The following MARCHF1 variants were observed in gnomAD, a reference collection of about 807,000 sequenced individuals.
MARCHF1 encodes membrane associated ring-CH-type finger 1, also known as E3 ubiquitin-protein ligase MARCHF1.
In MARCHF1, 40 loss-of-function variants were observed where a neutral mutation model predicts 54.2. The ratio of observed to expected loss-of-function variants is 0.74; its 90% confidence interval spans 0.57 to 0.96. The LOEUF is 0.96. Among genes scored for constraint, MARCHF1 ranks in the 40% least tolerant of loss-of-function variants. MARCHF1 has a pLI of 0.00. For missense variants in MARCHF1, 586 were observed against 656.5 expected (o/e 0.89, Z 1.17); for synonymous variants, 236 against 236.3 (o/e 1.00, Z 0.01).
At chr4:164,170,168 T>A (rs2110971910) in intron 1 of MARCHF1, among the ~76,000 whole-genome samples, 2 of 152,270 alleles carry the variant, frequency 1.3e-5, no homozygotes, top group South Asian at 4.1e-4. Flanking sequence ...AATTAAAATT[T>A]AAATTTTCCA....
At chr4:163,524,421 T>C (rs1380294293), downstream of MARCHF1, 1 of 152,240 alleles carries the variant, frequency 6.6e-6, no homozygotes, top group Non-Finnish European at 1.5e-5. Flanking sequence ...TGCTGTTATA[T>C]GCTTATTTTT....
chr4:164,194,193 G>C (rs1249044753), intron 1 of MARCHF1, among the ~76,000 whole-genome samples: 1 of 152,084 alleles, frequency 6.6e-6, no homozygotes, highest in African/African-American at 2.4e-5. Flanking sequence ...ATTTTTTTCT[G>C]TGAAAAGAGA....
At chr4:163,624,888 C>T (rs1741817029) in intron 5 of MARCHF1, among the ~76,000 whole-genome samples, 1 of 152,180 alleles carries the variant, frequency 6.6e-6, no homozygotes, top group Non-Finnish European at 1.5e-5. Context: ...TTTATCTGTA[C>T]TCAAGATCTC....
intron 3 of MARCHF1, among the ~76,000 whole-genome samples, chr4:163,885,814 G>A (rs1359351728): frequency 6.6e-6 from 1 of 151,534 alleles, no homozygotes; most frequent in East Asian, 1.9e-4. Context: ...GCTCACATTT[G>A]TAATCCCAGC....
chr4:163,785,385 A>T (rs1220372917), intron 4 of MARCHF1, among the ~76,000 whole-genome samples: 1 of 152,084 alleles, frequency 6.6e-6, no homozygotes, highest in African/African-American at 2.4e-5. Flanking sequence ...GTCACAACCT[A>T]AAGAAGCTGG....
At chr4:163,857,184 T>C (rs1421191671) in intron 3 of MARCHF1, among the ~76,000 whole-genome samples, 1 of 150,814 alleles carries the variant, frequency 6.6e-6, no homozygotes, top group Non-Finnish European at 1.5e-5. Flanking sequence ...CCAATAACAA[T>C]ATGTTCTTTT....
intron 3 of MARCHF1, among the ~76,000 whole-genome samples, chr4:163,952,790 T>C (rs1752158990): frequency 6.6e-6 from 1 of 152,164 alleles, no homozygotes. Context: ...TCAAAAGGCT[T>C]ACATGACAAT....
At chr4:164,123,540 A>G (rs1756115633) in intron 1 of MARCHF1, among the ~76,000 whole-genome samples, 1 of 152,162 alleles carries the variant, frequency 6.6e-6, no homozygotes. Context: ...ACATTACCTG[A>G]TTTGAAATTG....
intron 3 of MARCHF1, among the ~76,000 whole-genome samples, chr4:163,959,327 CAACAAAAAAAAAA>C (rs1188095987): frequency 2.3e-5 from 3 of 127,962 alleles, no homozygotes; most frequent in Admixed American, 7.5e-5. Flanking sequence ...ACAACAACAA[CAACAAAAAAAAAA>C]AACAACAAAA....
intron 7 of MARCHF1, among the ~76,000 whole-genome samples, chr4:163,594,928 A>C (rs1001499987): frequency 1.3e-5 from 2 of 152,192 alleles, no homozygotes; most frequent in Admixed American, 6.5e-5. Flanking sequence ...ATACCATATG[A>C]GCGAGCAATC....
chr4:164,185,889 T>G (rs906286331), intron 1 of MARCHF1, among the ~76,000 whole-genome samples: 3 of 151,890 alleles, frequency 2.0e-5, no homozygotes, highest in African/African-American at 7.3e-5. Flanking sequence ...ATAAGACAAA[T>G]GCCAATTTCT....
chr4:163,701,384 T>G (rs1744805438), intron 4 of MARCHF1, among the ~76,000 whole-genome samples: 1 of 152,172 alleles, frequency 6.6e-6, no homozygotes, highest in Non-Finnish European at 1.5e-5. Context: ...TTAAGATGCT[T>G]CTGACTGTAT....
intron 1 of MARCHF1, among the ~76,000 whole-genome samples, chr4:164,159,492 A>T (rs1730171870): frequency 6.6e-6 from 1 of 152,160 alleles, no homozygotes; most frequent in African/African-American, 2.4e-5. Flanking sequence ...GAACCAAAAA[A>T]ATGAATGAAT....
At chr4:163,630,381 G>C (rs1340910397) in intron 5 of MARCHF1, among the ~76,000 whole-genome samples, 2 of 152,274 alleles carry the variant, frequency 1.3e-5, no homozygotes, top group African/African-American at 4.8e-5. Flanking sequence ...AAACAATCCA[G>C]AGTGACATGA....
chr4:164,193,378 G>A lies in MARCHF1; in HGVS notation c.-322-81716C>T, dbSNP rs528890703. Among the ~76,000 whole-genome samples the A allele has an allele frequency of 1.1e-4, 16 of 151,982 alleles. No individual in the cohort carries two copies. In the South Asian group the frequency reaches 2.5e-3, roughly 24 times the overall value. On this transcript the variant is annotated intron_variant, in intron 1 of 9. Transcript: ENST00000514618. ...TGTAACTTCCCAGTTCTCAGGAGCC[G>A]AGAAGTTGATTTGCGAGCTATGCTC... is the stretch of plus-strand genomic sequence containing the variant.
chr4:164,163,165 T>A lies in MARCHF1; in HGVS notation c.-322-51503A>T, dbSNP rs1036087. Among the ~76,000 whole-genome samples, 61 of 151,876 alleles carry A rather than the reference T, an allele frequency of 4.0e-4. No individual in the cohort carries two copies. The South Asian group carries it at 0.012, about 31-fold the overall frequency. On this transcript the variant is annotated intron_variant, in intron 1 of 9. Coordinates refer to ENST00000514618, the MANE Select transcript of MARCHF1 (RefSeq NM_001394959.1). Reference sequence around the variant, plus strand: ...AAATAAAATTATCCCACCTAGAAGATCCTAAATACAGGAAGAACTAAAATG... The same window carrying A: ...AAATAAAATTATCCCACCTAGAAGAACCTAAATACAGGAAGAACTAAAATG...
chr4:164,382,703 C>A (rs1417896780), intron 1 of MARCHF1, among the ~76,000 whole-genome samples: 1 of 152,200 alleles, frequency 6.6e-6, no homozygotes. Flanking sequence ...AATTGAACCT[C>A]CTAAACAAGG....
chr4:163,929,943 A>ATATTATATATAT (rs1385785527), intron 3 of MARCHF1, among the ~76,000 whole-genome samples: 704 of 7,538 alleles, frequency 0.093, 32 homozygotes, highest in African/African-American at 0.095. Context: ...TTATATATTT[A>ATATTATATATAT]TATTATATAT....
At chr4:163,909,641 TAAAGTCTTATCTTCC>T (rs1188614860) in intron 3 of MARCHF1, among the ~76,000 whole-genome samples, 1 of 152,198 alleles carries the variant, frequency 6.6e-6, no homozygotes, top group Non-Finnish European at 1.5e-5. Context: ...GAGCTAAAAA[TAAAGTCTTATCTTCC>T]ATAATCTAAT....
Sources: allele counts gnomAD v4.1 joint callset (sites outside exome capture counted in the v4.1 genomes callset), GRCh38; gene constraint gnomAD v4.1.1; transcripts MANE v1.5; gene names NCBI Gene and HGNC (gene_info 2026-07-23, HGNC 2026-07-21).